Variants in GATAD1 observed in about 807,000 individuals in gnomAD.
GATAD1 encodes GATA zinc finger domain-containing protein 1.
GATAD1 carries 12 observed loss-of-function variants against 26.5 expected under a neutral mutation model. The observed-to-expected ratio is 0.45, with a 90% CI of 0.29 to 0.73. GATAD1 has a LOEUF of 0.73. Among genes scored for constraint, GATAD1 ranks in the 30% least tolerant of loss-of-function variants. GATAD1 has a pLI of 0.10. For synonymous variants in GATAD1, 129 were observed against 133.1 expected, an observed-to-expected ratio of 0.97 and a Z score of 0.21; for missense variants, 266 against 342.1, an observed-to-expected ratio of 0.78 and a Z score of 1.75.
intron 1 of GATAD1, among the ~76,000 whole-genome samples, chr7:92,448,402 G>A (rs4729043): frequency 0.057 from 8,712 of 152,220 alleles, 523 homozygotes; most frequent in East Asian, 0.28. Context: ...GCCTTAGGGA[G>A]TAAAGTTGTT....
rs368266030 is a variant in GATAD1, at chr7:92,448,918, T to C, written c.375+41T>C. The C allele has an allele frequency of 8.8e-6, 14 of 1,584,784 alleles. No individual in the cohort carries two copies. In the African/African-American group the frequency reaches 1.7e-4, roughly 20 times the overall value. On this transcript the variant is annotated intron_variant, in intron 2 of 4. Transcript: ENST00000287957. ...ACAGTGCCTTTTACTGTAATGACGT[T>C]GTGTGTATCCTGCCACTGCCTTCAT...
chr7:92,493,902 G>A, the GATAD1 span: 1 of 253,242 alleles, frequency 3.9e-6, no homozygotes, highest in African/African-American at 2.3e-5. Flanking sequence ...ACAAGGAAGA[G>A]TTGAAAAATT....
chr7:92,486,134 A>G, the GATAD1 span, among the ~76,000 whole-genome samples: 1 of 152,170 alleles, frequency 6.6e-6, no homozygotes, highest in African/African-American at 2.4e-5. Flanking sequence ...CACAGCTGAC[A>G]TGACAACCCA....
the GATAD1 span, among the ~76,000 whole-genome samples, chr7:92,473,399 G>A: frequency 2.0e-5 from 3 of 152,028 alleles, no homozygotes; most frequent in Admixed American, 1.3e-4. Flanking sequence ...TGGGTCTGAG[G>A]GGGTACTGCC....
chr7:92,451,246 G>A (rs144376470), intron 3 of GATAD1, among the ~76,000 whole-genome samples: 148 of 152,286 alleles, frequency 9.7e-4, no homozygotes, highest in African/African-American at 3.4e-3. Context: ...GAAATTCATA[G>A]TGAGAGGAAT....
chr7:92,458,137 A>G lies in GATAD1; in HGVS notation c.*1575A>G, dbSNP rs577809482. 7 of 150,864 alleles carry G rather than the reference A, an allele frequency of 4.6e-5. No homozygotes were observed. The highest frequency in any genetic ancestry group is 1.7e-4 in the African/African-American group (7 of 40,536). 9.3% of individuals were successfully genotyped at this position (150,864 alleles called of 1,614,324 possible). A position where few individuals can be genotyped will look rare whatever the true frequency, so the allele number is the denominator to read the frequency against. ...GGGTGATAGAGCAAGACTGTCTCAA[A>G]AAAGAAAAAAAAGAAAAAATTTTAA... On this transcript the variant is annotated 3_prime_UTR_variant, in exon 5 of 5. Transcript: ENST00000287957.
the GATAD1 span, among the ~76,000 whole-genome samples, chr7:92,478,639 A>G: frequency 6.6e-6 from 1 of 152,202 alleles, no homozygotes; most frequent in East Asian, 1.9e-4. Flanking sequence ...GTTATTAAGA[A>G]ATAGTTTTTT....
chr7:92,449,673 C>CTTT, intron 2 of GATAD1: 32 of 732,396 alleles, frequency 4.4e-5, no homozygotes, highest in South Asian at 6.3e-5. Flanking sequence ...AGACTATTTT[C>CTTT]TTTTTTTTTT....
the GATAD1 span, among the ~76,000 whole-genome samples, chr7:92,467,328 T>A: frequency 7.6e-4 from 115 of 152,032 alleles, no homozygotes; most frequent in Non-Finnish European, 1.4e-3. Flanking sequence ...AAAAAAAAAA[T>A]TATATACATA....
At chr7:92,490,371 A>C in the GATAD1 span, 1 of 200,900 alleles carries the variant, frequency 5.0e-6, no homozygotes, top group Non-Finnish European at 1.0e-5. Flanking sequence ...ATAGTGGCTC[A>C]CACCTGTAAT....
the GATAD1 span, among the ~76,000 whole-genome samples, chr7:92,492,438 A>G: frequency 1.3e-5 from 2 of 152,202 alleles, no homozygotes; most frequent in Admixed American, 1.3e-4. Context: ...AAGTGCTGGG[A>G]TTACAGGCGT....
At chr7:92,491,272 C>T in the GATAD1 span, 1 of 1,583,296 alleles carries the variant, frequency 6.3e-7, no homozygotes, top group Non-Finnish European at 8.7e-7. Context: ...CACAAGATAC[C>T]AAATCAGAAG....
At chr7:92,494,969 A>C in the GATAD1 span, among the ~76,000 whole-genome samples, 1 of 151,896 alleles carries the variant, frequency 6.6e-6, no homozygotes, top group Non-Finnish European at 1.5e-5. Context: ...ATCAAAACAA[A>C]AACTGACTCT....
rs918387284 is a variant in GATAD1 at position 92,459,885 on chromosome 7, A to G, written c.*3323A>G. ...TAAAATGCTTGTTGATATTTTAGTTATTAATTCATATTAACTTTGGCTGAA... is the reference window on the plus strand; with the variant it reads ...TAAAATGCTTGTTGATATTTTAGTTGTTAATTCATATTAACTTTGGCTGAA... On this transcript the variant is annotated 3_prime_UTR_variant, in exon 5 of 5. Transcript: ENST00000287957. 1.3e-5 allele frequency among the ~76,000 whole-genome samples: 2 copies of G among 152,250 alleles called. No homozygotes were observed. The highest frequency in any genetic ancestry group is 4.8e-5 in the African/African-American group (2 of 41,464).
downstream of GATAD1, among the ~76,000 whole-genome samples, chr7:92,463,303 G>A (rs1585180657): frequency 1.3e-5 from 2 of 152,124 alleles, no homozygotes; most frequent in East Asian, 3.8e-4. Context: ...AATGGGTAGT[G>A]ACAGTAGTCA....
chr7:92,490,075 C>T, the GATAD1 span: 1 of 667,910 alleles, frequency 1.5e-6, no homozygotes, highest in Non-Finnish European at 2.6e-6. Flanking sequence ...AGTTGTTCAT[C>T]TTTTATAAAG....
rs1789830598 is a variant in GATAD1 at position 92,459,360 on chromosome 7, T to C, written c.*2798T>C. ...ATGTAGACTTTTAAAAATCTATAAA[T>C]TGATCATCTGTTTATAAATTGGCAG... On this transcript the variant is annotated 3_prime_UTR_variant, in exon 5 of 5. Transcript: ENST00000287957. The C allele has an allele frequency of 6.6e-6, 1 of 152,188 alleles. No homozygotes were observed. The highest frequency in any genetic ancestry group is 2.4e-5 in the African/African-American group (1 of 41,432). 9.4% of individuals were successfully genotyped at this position (152,188 alleles called of 1,614,324 possible). A position where few individuals can be genotyped will look rare whatever the true frequency, so the allele number is the denominator to read the frequency against.
chr7:92,467,028 G>A, the GATAD1 span, among the ~76,000 whole-genome samples: 32,754 of 151,746 alleles, frequency 0.22, 3,655 homozygotes, highest in East Asian at 0.32. Context: ...ATCTGTATAT[G>A]TATTTCAGGC....
the GATAD1 span, chr7:92,471,698 T>C: frequency 1.3e-5 from 2 of 152,208 alleles, no homozygotes; most frequent in Non-Finnish European, 2.9e-5. Flanking sequence ...TTTCCTTTCC[T>C]TTCTGATGAC....
Sources: allele counts gnomAD v4.1 joint callset (sites outside exome capture counted in the v4.1 genomes callset), GRCh38; gene constraint gnomAD v4.1.1; transcripts MANE v1.5; gene names NCBI Gene and HGNC (gene_info 2026-07-23, HGNC 2026-07-21).